Variants in RARB observed in about 807,000 individuals in gnomAD.
The protein encoded by RARB is HBV-activated protein.
A neutral mutation model predicts 51.9 loss-of-function variants in RARB; 17 were observed. That is an observed-to-expected ratio of 0.33 (90% CI 0.22 to 0.49). RARB has a LOEUF of 0.49. Ranked by LOEUF, RARB falls within the 20% of genes least tolerant of loss-of-function variation. RARB has a pLI of 0.99. For synonymous variants in RARB, 215 were observed against 195.4 expected (o/e 1.10, Z -0.84); for missense variants, 369 against 550.8 (o/e 0.67, Z 3.30).
At chr3:24,935,966 G>C (rs916292020) in intron 2 of RARB, among the ~76,000 whole-genome samples, 11 of 152,152 alleles carry the variant, frequency 7.2e-5, no homozygotes, top group African/African-American at 2.6e-4. Context: ...GATATGTTAG[G>C]AAAATGTATA....
At chr3:25,144,759 G>T (rs187693261) in intron 4 of RARB, among the ~76,000 whole-genome samples, 351 of 152,256 alleles carry the variant, frequency 2.3e-3, no homozygotes, top group African/African-American at 8.1e-3. Flanking sequence ...AGAAAACAAA[G>T]CTAGAATGCC....
intron 5 of RARB, among the ~76,000 whole-genome samples, chr3:25,582,184 A>G (rs1701202172): frequency 6.6e-6 from 1 of 152,216 alleles, no homozygotes; most frequent in Admixed American, 6.5e-5. Context: ...TAATGATGTT[A>G]ACAATGAGCT....
At chr3:25,226,728 A>C (rs537041135) in intron 5 of RARB, among the ~76,000 whole-genome samples, 1 of 152,234 alleles carries the variant, frequency 6.6e-6, no homozygotes, top group South Asian at 2.1e-4. Context: ...ATTCTCCCCA[A>C]CTCCATGTCC....
At chr3:24,958,442 A>C (rs1696070756) in intron 2 of RARB, among the ~76,000 whole-genome samples, 1 of 151,912 alleles carries the variant, frequency 6.6e-6, no homozygotes, top group African/African-American at 2.4e-5. Context: ...GCAACTATAA[A>C]GGCAATTTAA....
At chr3:25,295,086 G>A (rs981611547) in intron 5 of RARB, among the ~76,000 whole-genome samples, 10 of 152,130 alleles carry the variant, frequency 6.6e-5, no homozygotes, top group Non-Finnish European at 1.0e-4. Flanking sequence ...ACCACTTACC[G>A]TGTAACTCTC....
At chr3:24,834,604 T>C (rs961443806) in intron 1 of RARB, among the ~76,000 whole-genome samples, 3 of 152,164 alleles carry the variant, frequency 2.0e-5, no homozygotes, top group African/African-American at 7.2e-5. Context: ...ATCTGAGACG[T>C]GGAAGGTTTT....
At chr3:24,899,924 C>CTTT in intron 2 of RARB, among the ~76,000 whole-genome samples, 1 of 151,014 alleles carries the variant, frequency 6.6e-6, no homozygotes, top group African/African-American at 2.4e-5. Context: ...ATTGGGATTT[C>CTTT]TTTTTTTTTG....
chr3:25,000,585 T>C (rs1278503159), intron 2 of RARB, among the ~76,000 whole-genome samples: 2 of 152,202 alleles, frequency 1.3e-5, no homozygotes, highest in Admixed American at 6.5e-5. Context: ...GTGACTGTAA[T>C]TTATTCTGTA....
At chr3:25,088,910 A>AT (rs557634088) in intron 3 of RARB, among the ~76,000 whole-genome samples, 36 of 152,082 alleles carry the variant, frequency 2.4e-4, no homozygotes, top group African/African-American at 7.9e-4. Flanking sequence ...GAAAATACAG[A>AT]TTTTTTTGGC....
rs566163678 is a variant in RARB, at chr3:25,252,686, A to G, written c.178+78111A>G. Among the ~76,000 whole-genome samples the G allele has an allele frequency of 5.3e-5, 8 of 152,248 alleles. No individual in the cohort carries two copies. The East Asian group carries it at 1.5e-3, about 29-fold the overall frequency. ...TTATAGAACTACAATTGGCTTTTGTATATTGATCTTGTATTCTGCCACCTT... is the reference window on the plus strand; with the variant it reads ...TTATAGAACTACAATTGGCTTTTGTGTATTGATCTTGTATTCTGCCACCTT... On this transcript the variant is annotated intron_variant, in intron 5 of 11. Coordinates refer to the RARB transcript ENST00000383772.
At chr3:25,264,564 T>C (rs891920881) in intron 5 of RARB, among the ~76,000 whole-genome samples, 2 of 152,194 alleles carry the variant, frequency 1.3e-5, no homozygotes, top group African/African-American at 2.4e-5. Flanking sequence ...ATTGCTTTAT[T>C]TTCAGTACAA....
At chr3:25,336,701 T>C (rs1466820522) in intron 5 of RARB, among the ~76,000 whole-genome samples, 2 of 152,208 alleles carry the variant, frequency 1.3e-5, no homozygotes, top group Non-Finnish European at 2.9e-5. Flanking sequence ...TCTCATTAGC[T>C]GGAATTCCAC....
chr3:24,912,635 C>T (rs564767094), intron 2 of RARB, among the ~76,000 whole-genome samples: 82 of 152,228 alleles, frequency 5.4e-4, no homozygotes, highest in African/African-American at 1.9e-3. Context: ...AATGAACTCC[C>T]ATCGCTGGGA....
intron 5 of RARB, among the ~76,000 whole-genome samples, chr3:25,274,988 G>T (rs887032708): frequency 6.6e-6 from 1 of 152,150 alleles, no homozygotes; most frequent in Non-Finnish European, 1.5e-5. Context: ...GCTATGTAAG[G>T]ATACTTAGCT....
At chr3:25,069,298 C>A (rs544640002) in intron 3 of RARB, among the ~76,000 whole-genome samples, 2 of 152,234 alleles carry the variant, frequency 1.3e-5, no homozygotes, top group South Asian at 4.1e-4. Context: ...CTGATTTATT[C>A]ACTTTGGGCA....
chr3:25,188,381 G>A (rs1701024100), intron 5 of RARB, among the ~76,000 whole-genome samples: 1 of 151,986 alleles, frequency 6.6e-6, no homozygotes, highest in African/African-American at 2.4e-5. Flanking sequence ...CCTTTTATTG[G>A]GTTAATTCAA....
At chr3:25,580,433 C>T (rs929074792) in intron 4 of RARB, 113 bp from the exon 5 acceptor site, 1 of 1,036,680 alleles carries the variant, frequency 9.6e-7, no homozygotes, top group Non-Finnish European at 1.4e-6. Context: ...CACCAACAAC[C>T]TGCCTGCTCA....
At chr3:24,867,949 C>A (rs1026326758) in intron 2 of RARB, among the ~76,000 whole-genome samples, 1 of 152,136 alleles carries the variant, frequency 6.6e-6, no homozygotes, top group African/African-American at 2.4e-5. Context: ...GATAAAAGTG[C>A]TCACTGAGAT....
chr3:25,442,116 T>TTTTTTTTA (rs370911783), intron 1 of RARB, among the ~76,000 whole-genome samples: 1 of 147,744 alleles, frequency 6.8e-6, no homozygotes, highest in African/African-American at 2.5e-5. Flanking sequence ...TTTATTTTAT[T>TTTTTTTTA]TTTATTTATT....
Sources: gnomAD v4.1 joint callset for allele counts (sites outside exome capture counted in the v4.1 genomes callset) on GRCh38, gnomAD v4.1.1 for gene constraint, MANE v1.5 for transcripts, NCBI Gene and HGNC (gene_info 2026-07-23, HGNC 2026-07-21) for gene names.